The following KCNQ1 variants were observed in gnomAD, a reference collection of about 807,000 sequenced individuals.
KCNQ1 encodes potassium voltage-gated channel subfamily KQT member 1.
KCNQ1 carries 49 observed loss-of-function variants against 72.4 expected under a neutral mutation model. That is an observed-to-expected ratio of 0.68 (90% confidence interval 0.54 to 0.86). KCNQ1 has a LOEUF of 0.86. Ranked by LOEUF, KCNQ1 falls within the 40% of genes least tolerant of loss-of-function variation. The pLI is 0.00. For synonymous variants in KCNQ1, 450 were observed against 412.6 expected (o/e 1.09, Z -1.10); for missense variants, 790 against 945.1 (o/e 0.84, Z 2.15).
chr11:2,775,444 G>A (rs963509982), intron 12 of KCNQ1, among the ~76,000 whole-genome samples: 1 of 152,216 alleles, frequency 6.6e-6, no homozygotes, highest in African/African-American at 2.4e-5. Context: ...CTGCTGCCTG[G>A]CACAAACTGC....
chr11:2,844,279 C>T (rs1353268991), intron 15 of KCNQ1, among the ~76,000 whole-genome samples: 1 of 152,220 alleles, frequency 6.6e-6, no homozygotes, highest in Non-Finnish European at 1.5e-5. Flanking sequence ...AGGGGGGCAG[C>T]AGCATGATGC....
intron 11 of KCNQ1, among the ~76,000 whole-genome samples, chr11:2,729,266 A>G (rs1845812433): frequency 6.6e-6 from 1 of 152,268 alleles, no homozygotes; most frequent in Non-Finnish European, 1.5e-5. Context: ...GGCTCGAGTG[A>G]CTGCCCTGGA....
At chr11:2,632,478 T>C (rs1032874744) in intron 10 of KCNQ1, 5 of 398,336 alleles carry the variant, frequency 1.3e-5, no homozygotes, top group Non-Finnish European at 2.2e-5. Context: ...TTCACCATTA[T>C]GATGCTCCTT....
chr11:2,661,330 A>G lies in KCNQ1; in HGVS notation c.1394-631A>G, dbSNP rs1239967683. ...AGAGTGGGGAGTGATAAGGATCAGT[A>G]TCCTGAGCTCCTGTGTCAAAGTTGC... On this transcript the variant is annotated intron_variant, in intron 10 of 15. Transcript: ENST00000155840. The surrounding 1 kb of genome is among the most constrained non-coding windows in gnomAD (Gnocchi z 5.9). 2 of 404,450 alleles carry G rather than the reference A, an allele frequency of 4.9e-6. No homozygotes were observed. Among genetic ancestry groups the G allele is most frequent in the East Asian group, 3.5e-5 (1 of 28,282 alleles). The allele number at this position is 404,450 out of a possible 1,614,324, so 25.1% of individuals were successfully genotyped here.
At chr11:2,506,946 A>T (rs567195334) in intron 1 of KCNQ1, among the ~76,000 whole-genome samples, 2 of 152,084 alleles carry the variant, frequency 1.3e-5, no homozygotes, top group South Asian at 4.1e-4. Flanking sequence ...TTTTTAAGTC[A>T]TTTATATTGT....
intron 1 of KCNQ1, among the ~76,000 whole-genome samples, chr11:2,517,924 T>C (rs1324420497): frequency 6.6e-6 from 1 of 152,212 alleles, no homozygotes; most frequent in African/African-American, 2.4e-5. Flanking sequence ...ACTTGCGAGC[T>C]AGGCTGAGCC....
In KCNQ1 at chr11:2,626,327, T is replaced by C. The variant is rs1849261892; in HGVS notation, c.1394-35634T>C. ...GTTAATTTTTGTGTATGGTATTAGG[T>C]AAGGGTCTCAACTTCAGTTATCCTG... On this transcript the variant is annotated intron_variant, in intron 10 of 15. Transcript: ENST00000155840. The surrounding 1 kb of genome is among the most constrained non-coding windows in gnomAD (Gnocchi z 4.0). The C allele has an allele frequency of 2.0e-5, 8 of 398,426 alleles. No homozygotes were observed. The Middle Eastern group carries it at 1.9e-3, about 93-fold the overall frequency. The allele number at this position is 398,426 out of a possible 1,614,324, so 24.7% of individuals were successfully genotyped here. A position where few individuals can be genotyped will look rare whatever the true frequency, so the allele number is the denominator to read the frequency against.
chr11:2,487,232 T>C (rs183531272), intron 1 of KCNQ1, among the ~76,000 whole-genome samples: 4 of 152,370 alleles, frequency 2.6e-5, no homozygotes, highest in South Asian at 2.1e-4. Context: ...TTGGTTTATA[T>C]GTCTGTCTTT....
At chr11:2,747,501 C>T (rs540009441) in intron 11 of KCNQ1, among the ~76,000 whole-genome samples, 1 of 152,296 alleles carries the variant, frequency 6.6e-6, no homozygotes, top group Admixed American at 6.5e-5. Context: ...CTGGGGCTGC[C>T]CCAGTGCCCA....
chr11:2,788,264 G>A (rs1045677369), intron 15 of KCNQ1, among the ~76,000 whole-genome samples: 5 of 151,760 alleles, frequency 3.3e-5, no homozygotes, highest in Admixed American at 1.3e-4. Flanking sequence ...CATGACCCAC[G>A]CCTCCCCGAG....
Position 2,549,964 on chromosome 11 carries a change from C to T in KCNQ1, c.478-20664C>T, listed in dbSNP as rs1237763209. 6.6e-6 allele frequency among the ~76,000 whole-genome samples: 1 copy of T among 152,190 alleles called. No homozygotes were observed. Among genetic ancestry groups the T allele is most frequent in the Non-Finnish European group, 1.5e-5 (1 of 68,024 alleles). On this transcript the variant is annotated intron_variant, in intron 2 of 15. Transcript: ENST00000155840. The surrounding 1 kb of genome is among the most constrained non-coding windows in gnomAD (Gnocchi z 6.2). Reference sequence around the variant, plus strand: ...CGTAGAGGAGCAGGAAGGGAGCCAGCTCCACCTCCAGTAGACCCAGAGACG... The same window carrying T: ...CGTAGAGGAGCAGGAAGGGAGCCAGTTCCACCTCCAGTAGACCCAGAGACG...
chr11:2,797,035 C>T (rs915247432), intron 15 of KCNQ1, among the ~76,000 whole-genome samples: 7 of 152,202 alleles, frequency 4.6e-5, no homozygotes, highest in South Asian at 4.1e-4. Flanking sequence ...TGGCAAGTGG[C>T]GGCAAACCGT....
Position 2,828,240 on chromosome 11 carries a change from G to T in KCNQ1, c.1795-19527G>T, listed in dbSNP as rs1379423654. Reference sequence around the variant, plus strand: ...CTGAGAAGTCAGGACAGGAGATGGTGTCGTCAGGGGGCTGCTGGAAGGTTT... The same window carrying T: ...CTGAGAAGTCAGGACAGGAGATGGTTTCGTCAGGGGGCTGCTGGAAGGTTT... On this transcript the variant is annotated intron_variant, in intron 15 of 15. Coordinates refer to ENST00000155840, the MANE Select transcript of KCNQ1 (RefSeq NM_000218.3). The surrounding 1 kb of genome is among the most constrained non-coding windows in gnomAD (Gnocchi z 5.3). Among the ~76,000 whole-genome samples, 1 of 152,224 alleles carries T rather than the reference G, an allele frequency of 6.6e-6. No homozygotes were observed. The highest frequency in any genetic ancestry group is 1.5e-5 in the Non-Finnish European group (1 of 68,032).
At position 2,654,395 on chromosome 11, in the gene KCNQ1, G is replaced by A. The variant is rs367591170; in HGVS notation, c.1394-7566G>A. On this transcript the variant is annotated intron_variant, in intron 10 of 15. Transcript: ENST00000155840. This position sits in a 1 kb window ranked among gnomAD's most constrained non-coding sequence, Gnocchi z 6.4. ...TGAAGTAGGCTGGCTCAGGGAACTCGCCTGTGCCAAACCCTGGGGAGACAT... is the reference window on the plus strand; with the variant it reads ...TGAAGTAGGCTGGCTCAGGGAACTCACCTGTGCCAAACCCTGGGGAGACAT... 29 of 398,452 alleles carry A rather than the reference G, an allele frequency of 7.3e-5. No individual in the cohort carries two copies. Among genetic ancestry groups the A allele is most frequent in the East Asian group, 5.7e-4 (16 of 28,070 alleles). The allele number at this position is 398,452 out of a possible 1,614,324, so 24.7% of individuals were successfully genotyped here.
chr11:2,686,823 C>A (rs997967127), intron 11 of KCNQ1: 1 of 398,678 alleles, frequency 2.5e-6, no homozygotes, highest in East Asian at 3.6e-5. Flanking sequence ...AAGAGCAGCA[C>A]AAGTAACTCA....
rs992381020 is a variant in KCNQ1 at position 2,713,732 on chromosome 11, G to A, written c.1514+51651G>A. ...AAGTGCCGGGTGAAGGCCTGGGGAG[G>A]AATCTGGGTTCTCTTGGCTGCTGGT... On this transcript the variant is annotated intron_variant, in intron 11 of 15. Transcript: ENST00000155840. This position sits in a 1 kb window ranked among gnomAD's most constrained non-coding sequence, Gnocchi z 5.6. Among the ~76,000 whole-genome samples, 4 of 152,230 alleles carry A rather than the reference G, an allele frequency of 2.6e-5. No individual in the cohort carries two copies. Among genetic ancestry groups the A allele is most frequent in the East Asian group, 3.9e-4 (2 of 5,194 alleles).
intron 15 of KCNQ1, among the ~76,000 whole-genome samples, chr11:2,825,364 T>A (rs964592073): frequency 6.6e-6 from 1 of 152,182 alleles, no homozygotes; most frequent in African/African-American, 2.4e-5. Context: ...CAGCTCAGTG[T>A]CCTTCCAGGG....
Position 2,651,576 on chromosome 11 carries a change from C to T in KCNQ1, c.1394-10385C>T, listed in dbSNP as rs1204353802. Reference sequence around the variant, plus strand: ...GATATTGTGTTCTTTACCTCCATGTCTCCAGTGCCTGCCACATAGCAGGTC... The same window carrying T: ...GATATTGTGTTCTTTACCTCCATGTTTCCAGTGCCTGCCACATAGCAGGTC... On this transcript the variant is annotated intron_variant, in intron 10 of 15. Coordinates refer to ENST00000155840, the MANE Select transcript of KCNQ1 (RefSeq NM_000218.3). The surrounding 1 kb of genome is among the most constrained non-coding windows in gnomAD (Gnocchi z 6.1). 1 of 398,538 alleles carries T rather than the reference C, an allele frequency of 2.5e-6. No homozygotes were observed. Among genetic ancestry groups the T allele is most frequent in the Non-Finnish European group, 4.4e-6 (1 of 226,114 alleles). The allele number at this position is 398,538 out of a possible 1,614,324, so 24.7% of individuals were successfully genotyped here.
rs1846552755 is a variant in KCNQ1, at chr11:2,769,366, TC to T, written c.1590+450del. Among the ~76,000 whole-genome samples, 1 of 152,222 alleles carries T rather than the reference TC, an allele frequency of 6.6e-6. No homozygotes were observed. The highest frequency in any genetic ancestry group is 2.4e-5 in the African/African-American group (1 of 41,550). ...TCCTCCACTGGCTCAGTGCTCTCAT[TC>T]CCTGCTCCTCCACCCTCTGTGAGTT... On this transcript the variant is annotated intron_variant, in intron 12 of 15. Transcript: ENST00000155840. The surrounding 1 kb of genome is among the most constrained non-coding windows in gnomAD (Gnocchi z 4.6).
Sources: gnomAD v4.1 joint callset for allele counts (sites outside exome capture counted in the v4.1 genomes callset) on GRCh38, gnomAD v4.1.1 for gene constraint, Gnocchi (gnomAD v3.1) non-coding constraint, MANE v1.5 for transcripts, NCBI Gene and HGNC (gene_info 2026-07-23, HGNC 2026-07-21) for gene names.